The following ZSWIM5 variants were observed in gnomAD, a reference collection of about 807,000 sequenced individuals.
The protein encoded by ZSWIM5 is zinc finger SWIM-type containing 5.
ZSWIM5 carries 55 observed loss-of-function variants against 119.6 expected under a neutral mutation model. The observed-to-expected ratio is 0.46, with a 90% CI of 0.37 to 0.58. The LOEUF (loss-of-function observed/expected upper bound fraction) is 0.58, where lower values mean the gene tolerates loss of function less well. Ranked by LOEUF, ZSWIM5 falls within the 20% of genes least tolerant of loss-of-function variation. ZSWIM5 has a pLI of 0.00. For missense variants in ZSWIM5, 1,193 were observed against 1,512.8 expected, an observed-to-expected ratio of 0.79 and a Z score of 3.51; for synonymous variants, 537 against 606.9, an observed-to-expected ratio of 0.88 and a Z score of 1.69.
chr1:45,076,556 T>C (rs1046868235), intron 2 of ZSWIM5, among the ~76,000 whole-genome samples: 1 of 152,162 alleles, frequency 6.6e-6, no homozygotes, highest in African/African-American at 2.4e-5. Context: ...GGGAGTTTGA[T>C]TATTAAATGT....
At chr1:45,053,950 C>T (rs2148998356) in intron 4 of ZSWIM5, among the ~76,000 whole-genome samples, 1 of 152,136 alleles carries the variant, frequency 6.6e-6, no homozygotes, top group African/African-American at 2.4e-5. Flanking sequence ...ACTCACAAGA[C>T]TGTTATCAGT....
intron 5 of ZSWIM5, 63 bp downstream of exon 5, chr1:45,051,011 G>A: frequency 1.3e-6 from 2 of 1,508,790 alleles, no homozygotes; most frequent in Non-Finnish European, 1.8e-6. Context: ...CATTGTTCTA[G>A]GGTTTACCCT....
chr1:45,020,034 C>G, intron 13 of ZSWIM5, 32 bp downstream of exon 13: 1 of 1,596,000 alleles, frequency 6.3e-7, no homozygotes, highest in Non-Finnish European at 8.6e-7. Flanking sequence ...AAACTCCTTT[C>G]CCCTGGGGGT....
intron 1 of ZSWIM5, among the ~76,000 whole-genome samples, chr1:45,096,750 G>A (rs1356280006): frequency 6.6e-6 from 1 of 152,204 alleles, no homozygotes; most frequent in Non-Finnish European, 1.5e-5. Context: ...GGCTTAGACA[G>A]CTTCCCTACC....
At chr1:45,023,658 G>A (rs375629044) in intron 11 of ZSWIM5, among the ~76,000 whole-genome samples, 1 of 152,090 alleles carries the variant, frequency 6.6e-6, no homozygotes, top group South Asian at 2.1e-4. Flanking sequence ...AAATAAAGAT[G>A]CTTTAAACAT....
rs4454584 is a variant in ZSWIM5 at position 45,206,294 on chromosome 1, A to G, written c.57T>C (p.Ala19=). 438,036 of 1,561,668 alleles carry G rather than the reference A, an allele frequency of 0.28. 65,705 individuals carry two copies. The highest frequency in any genetic ancestry group is 0.53 in the African/African-American group (39,044 of 73,494). Residue 19 remains alanine, a synonymous_variant, in exon 1 of 14, where the codon GCT becomes GCC. Transcript: ENST00000359600. ...GGCTGGGCCACGAACACTGCCGCTT[A>G]GCCGGAGAGACCGGTGACGGCGAGA... is the stretch of plus-strand genomic sequence containing the variant. ...ELLSPSPVSP[A]KRQCSWPSPQ... is the part of the protein sequence containing the mutation.
chr1:45,070,484 T>C (rs1430973953), intron 2 of ZSWIM5: 16 of 925,042 alleles, frequency 1.7e-5, no homozygotes, highest in Admixed American at 1.1e-4. Flanking sequence ...AACAATTCTA[T>C]TGAGTTTTAA....
chr1:45,058,497 C>T lies in ZSWIM5; in HGVS notation c.1252+112G>A. 8 of 1,379,554 alleles carry T rather than the reference C, an allele frequency of 5.8e-6. 1 individual carries two copies. In the South Asian group the frequency reaches 1.1e-4, roughly 19 times the overall value. 85.5% of individuals were successfully genotyped at this position (1,379,554 alleles called of 1,614,324 possible). Reference sequence around the variant, plus strand: ...GCCTCTGTAGAACCTAAGTCTTCTACCAGCTGGACTTAGCAAGATCCATGC... The same window carrying T: ...GCCTCTGTAGAACCTAAGTCTTCTATCAGCTGGACTTAGCAAGATCCATGC... On this transcript the variant is annotated intron_variant, in intron 4 of 13. Transcript: ENST00000359600.
intron 1 of ZSWIM5, among the ~76,000 whole-genome samples, chr1:45,089,435 C>T (rs1279603890): frequency 6.6e-6 from 1 of 152,158 alleles, no homozygotes; most frequent in Non-Finnish European, 1.5e-5. Context: ...GAAGCATCTG[C>T]TATGTAGCAG....
intron 1 of ZSWIM5, among the ~76,000 whole-genome samples, chr1:45,148,465 T>C (rs1645776574): frequency 6.6e-6 from 1 of 151,784 alleles, no homozygotes; most frequent in Non-Finnish European, 1.5e-5. Context: ...ACTGTCTTCT[T>C]GCCACACAAT....
At chr1:45,044,332 T>C (rs1645034335) in intron 5 of ZSWIM5, among the ~76,000 whole-genome samples, 2 of 152,012 alleles carry the variant, frequency 1.3e-5, no homozygotes, top group Admixed American at 1.3e-4. Flanking sequence ...TCGCACCTGT[T>C]ATCCCAGCAC....
intron 11 of ZSWIM5, among the ~76,000 whole-genome samples, chr1:45,022,028 A>AT (rs929385045): frequency 5.3e-5 from 8 of 151,586 alleles, no homozygotes; most frequent in South Asian, 2.1e-4. Context: ...TCTCAAAAAA[A>AT]AAAAAATAAA....
At chr1:45,121,848 A>G (rs1325755033) in intron 1 of ZSWIM5, among the ~76,000 whole-genome samples, 1 of 152,074 alleles carries the variant, frequency 6.6e-6, no homozygotes, top group Non-Finnish European at 1.5e-5. Flanking sequence ...TCAGCCTCTT[A>G]AAGTGCTGGG....
chr1:45,050,551 T>C (rs1384531040), intron 5 of ZSWIM5, among the ~76,000 whole-genome samples: 1 of 152,138 alleles, frequency 6.6e-6, no homozygotes, highest in African/African-American at 2.4e-5. Flanking sequence ...GTGGAGGGTA[T>C]GGTATCACTG....
chr1:45,163,873 G>A (rs1415108597), intron 1 of ZSWIM5, among the ~76,000 whole-genome samples: 2 of 152,186 alleles, frequency 1.3e-5, no homozygotes, highest in African/African-American at 2.4e-5. Flanking sequence ...CAGGGAGAAT[G>A]GAACCAAGTT....
intron 1 of ZSWIM5, among the ~76,000 whole-genome samples, chr1:45,117,766 G>A (rs1241360030): frequency 2.0e-5 from 3 of 152,150 alleles, no homozygotes. Context: ...TACAGAGACT[G>A]GTTACTGTAA....
intron 1 of ZSWIM5, among the ~76,000 whole-genome samples, chr1:45,166,607 C>G (rs958099200): frequency 2.6e-5 from 4 of 151,970 alleles, no homozygotes; most frequent in African/African-American, 9.7e-5. Context: ...TAAGCTGATA[C>G]GCAACTTCAG....
chr1:45,193,960 ACATG>A (rs1185689270), intron 1 of ZSWIM5, among the ~76,000 whole-genome samples: 2 of 151,962 alleles, frequency 1.3e-5, no homozygotes. Flanking sequence ...ATATATACAT[ACATG>A]CACATATGGT....
At chr1:45,176,206 C>T (rs964041809) in intron 1 of ZSWIM5, among the ~76,000 whole-genome samples, 3 of 151,020 alleles carry the variant, frequency 2.0e-5, no homozygotes, top group Non-Finnish European at 4.4e-5. Context: ...GTGGGTATCT[C>T]CAATTACAAT....
Sources: allele counts gnomAD v4.1 joint callset (sites outside exome capture counted in the v4.1 genomes callset), GRCh38; gene constraint gnomAD v4.1.1; transcripts MANE v1.5; gene names NCBI Gene and HGNC (gene_info 2026-07-23, HGNC 2026-07-21).